Variants in MID1 observed in about 807,000 individuals in gnomAD.
MID1 encodes midline 1, also known as E3 ubiquitin-protein ligase Midline-1.
In MID1, 7 loss-of-function variants were observed where a neutral mutation model predicts 40.4. The observed-to-expected ratio is 0.17, with a 90% CI of 0.10 to 0.33. MID1 has a LOEUF of 0.33. MID1 is among the 10% of genes least tolerant of loss of function. The pLI is 1.00. For synonymous variants in MID1, 229 were observed against 221.2 expected (o/e 1.04, Z -0.31); for missense variants, 367 against 558.5 (o/e 0.66, Z 3.46).
At chrX:10,521,566 T>C (rs1932709110) in intron 3 of MID1, among the ~76,000 whole-genome samples, 1 of 111,224 alleles carries the variant, frequency 9.0e-6, no homozygotes, top group Non-Finnish European at 1.9e-5. Flanking sequence ...TTAGTTTCAG[T>C]TCATGGGGTG....
At chrX:10,590,812 C>A (rs746130712) in intron 1 of MID1, among the ~76,000 whole-genome samples, 1 of 111,983 alleles carries the variant, frequency 8.9e-6, no homozygotes, top group South Asian at 3.7e-4. Context: ...GAGTTAATAT[C>A]AAAAGGTATG....
At chrX:10,794,700 C>T (rs982851070) in intron 1 of MID1, among the ~76,000 whole-genome samples, 10 of 112,147 alleles carry the variant, frequency 8.9e-5, no homozygotes, top group Non-Finnish European at 1.3e-4. Context: ...TTTAATTAAC[C>T]GAAGCACAAA....
chrX:10,596,413 A>C (rs1487646336), intron 1 of MID1, among the ~76,000 whole-genome samples: 1 of 112,253 alleles, frequency 8.9e-6, no homozygotes, highest in Admixed American at 9.4e-5. Flanking sequence ...AGTTCATAGG[A>C]GAAATATATC....
At chrX:10,479,033 C>G (rs1930169503) in intron 5 of MID1, among the ~76,000 whole-genome samples, 2 of 111,815 alleles carry the variant, frequency 1.8e-5, no homozygotes, top group South Asian at 3.8e-4. Context: ...AAAAGACACA[C>G]AAGGCGGGCT....
At chrX:10,662,089 G>A (rs1047946082) in intron 1 of MID1, among the ~76,000 whole-genome samples, 5 of 111,833 alleles carry the variant, frequency 4.5e-5, no homozygotes, top group Non-Finnish European at 7.5e-5. Context: ...CAGATCACCT[G>A]AGGTCAGGAG....
intron 1 of MID1, among the ~76,000 whole-genome samples, chrX:10,766,364 G>C (rs1376871916): frequency 7.2e-5 from 8 of 111,324 alleles, no homozygotes; most frequent in African/African-American, 2.6e-4. Flanking sequence ...TGGGGCTGGG[G>C]GTGGTGGTCT....
Position 10,518,568 on chromosome X carries a change from TA to T in MID1, c.756+4523del, listed in dbSNP as rs974755229. ...CTTGCTGGTTCCTTCATTAAGAAGT[TA>T]AAAAAATCTTTGATGTGGACTAATT... On this transcript the variant is annotated intron_variant, in intron 3 of 9. Transcript: ENST00000317552. Among the ~76,000 whole-genome samples the T allele has an allele frequency of 2.7e-5, 3 of 111,263 alleles. 1 individual carries two copies. The highest frequency in any genetic ancestry group is 9.8e-5 in the African/African-American group (3 of 30,583).
At chrX:10,795,609 C>T (rs1467957257) in intron 1 of MID1, among the ~76,000 whole-genome samples, 2 of 112,261 alleles carry the variant, frequency 1.8e-5, no homozygotes, top group African/African-American at 6.5e-5. Flanking sequence ...TGGTTTCAAA[C>T]CAGACATTTA....
intron 1 of MID1, among the ~76,000 whole-genome samples, chrX:10,822,001 T>A (rs2044177899): frequency 1.8e-5 from 2 of 111,369 alleles, no homozygotes; most frequent in African/African-American, 6.5e-5. Context: ...GCTGATCTTT[T>A]TTTTCTCATT....
At chrX:10,831,306 C>T (rs1488106240) in intron 1 of MID1, among the ~76,000 whole-genome samples, 1 of 112,241 alleles carries the variant, frequency 8.9e-6, no homozygotes, top group Non-Finnish European at 1.9e-5. Flanking sequence ...CACTATACTT[C>T]TCTCAGGGAG....
At chrX:10,521,903 A>T (rs1250252704) in intron 3 of MID1, among the ~76,000 whole-genome samples, 1 of 111,974 alleles carries the variant, frequency 8.9e-6, no homozygotes, top group African/African-American at 3.2e-5. Context: ...GCAGTGGTGC[A>T]ATCTCAGCTC....
intron 1 of MID1, among the ~76,000 whole-genome samples, chrX:10,693,884 T>C (rs1410583492): frequency 8.9e-6 from 1 of 112,250 alleles, no homozygotes; most frequent in Non-Finnish European, 1.9e-5. Flanking sequence ...GTGAAGTGAA[T>C]GAGACCTACG....
chrX:10,750,118 C>T (rs137911435), intron 1 of MID1, among the ~76,000 whole-genome samples: 2,874 of 111,150 alleles, frequency 0.026, 108 homozygotes, highest in African/African-American at 0.089. Flanking sequence ...GCCCAAGAAC[C>T]TCCATTTTTT....
intron 1 of MID1, among the ~76,000 whole-genome samples, chrX:10,786,944 T>G (rs1161097960): frequency 9.3e-6 from 1 of 107,592 alleles, no homozygotes; most frequent in Non-Finnish European, 1.9e-5. Flanking sequence ...ACCTGCACGT[T>G]GTGCACATGT....
intron 7 of MID1, among the ~76,000 whole-genome samples, chrX:10,463,806 G>A (rs956281455): frequency 1.8e-5 from 2 of 112,635 alleles, no homozygotes; most frequent in African/African-American, 6.5e-5. Flanking sequence ...AGACTGCAGA[G>A]CTAGTGAGGT....
chrX:10,738,251 A>G (rs1187499203), intron 1 of MID1, among the ~76,000 whole-genome samples: 1 of 112,317 alleles, frequency 8.9e-6, no homozygotes, highest in Non-Finnish European at 1.9e-5. Flanking sequence ...AAGAAGGAAC[A>G]AACACATAAC....
rs562365098 is a variant in MID1 at position 10,787,284 on chromosome X, C to A, written c.-187+46270G>T. On this transcript the variant is annotated intron_variant, in intron 1 of 10. Coordinates refer to the MID1 transcript ENST00000380785. ...AAAGCATATAAAATTAACTGAAACA[C>A]CAAACTGTTAAAACTGGTTTCCCTT... is the stretch of plus-strand genomic sequence containing the variant. Among the ~76,000 whole-genome samples the A allele has an allele frequency of 5.5e-4, 60 of 109,639 alleles. No individual in the cohort carries two copies. In the South Asian group the frequency reaches 0.022, roughly 39 times the overall value.
chrX:10,518,252 A>G (rs1043629672), intron 3 of MID1, among the ~76,000 whole-genome samples: 1 of 112,155 alleles, frequency 8.9e-6, no homozygotes, highest in Admixed American at 9.4e-5. Flanking sequence ...CCATGAAGTC[A>G]GCCTAAGTCA....
At chrX:10,545,814 T>C (rs1302140376) in intron 2 of MID1, among the ~76,000 whole-genome samples, 1 of 111,703 alleles carries the variant, frequency 9.0e-6, no homozygotes, top group Non-Finnish European at 1.9e-5. Flanking sequence ...GGTGGTTTGT[T>C]TTATTGCTTT....
Sources: gnomAD v4.1 joint callset for allele counts (sites outside exome capture counted in the v4.1 genomes callset) on GRCh38, gnomAD v4.1.1 for gene constraint, MANE v1.5 for transcripts, NCBI Gene and HGNC (gene_info 2026-07-23, HGNC 2026-07-21) for gene names.